The following C12orf57 variants were observed in gnomAD, a reference collection of about 807,000 sequenced individuals.
C12orf57 encodes the protein chromosome 12 open reading frame 57.
C12orf57 carries 14 observed loss-of-function variants against 11.3 expected under a neutral mutation model. The observed-to-expected ratio is 1.24, with a 90% confidence interval of 0.82 to 1.94. The LOEUF is 1.94. Among genes scored for constraint, C12orf57 ranks in the 30% most tolerant of loss-of-function variants. The probability of loss-of-function intolerance (pLI) is 0.00; values close to 1 mark genes in which losing one functional copy is unlikely to be tolerated. For synonymous variants in C12orf57, 100 were observed against 74.6 expected, an observed-to-expected ratio of 1.34 and a Z score of -1.76; for missense variants, 229 against 172.4, an observed-to-expected ratio of 1.33 and a Z score of -1.84.
Position 6,944,509 on chromosome 12 carries a change from C to G in C12orf57, c.86C>G (p.Ala29Gly). The G allele has an allele frequency of 6.2e-7, 1 of 1,613,384 alleles. No homozygotes were observed. The highest frequency in any genetic ancestry group is 8.5e-7 in the Non-Finnish European group (1 of 1,180,000). ...GCGGAGGTGATCCAGGCGTTCTCCGCCCCGGAGAATGCAGTGCGCATGGAC... is the reference window on the plus strand; with the variant it reads ...GCGGAGGTGATCCAGGCGTTCTCCGGCCCGGAGAATGCAGTGCGCATGGAC... ...VLAEVIQAFS[A>G]PENAVRMDEA... The change falls in exon 2 of 3, where the codon GCC becomes GGC. Residue 29 changes from alanine (A) to glycine (G), a missense_variant. By Grantham distance (60) the Ala-to-Gly change is moderately conservative (BLOSUM62 0). Coordinates refer to ENST00000229281, the MANE Select transcript of C12orf57 (RefSeq NM_138425.4).
chr12:6,945,885 A>G lies in C12orf57; in HGVS notation c.344A>G (p.His115Arg), dbSNP rs782437137. 1.5e-5 allele frequency: 24 copies of G among 1,613,314 alleles called. No individual in the cohort carries two copies. The highest frequency in any genetic ancestry group is 1.9e-5 in the Non-Finnish European group (23 of 1,179,874). ...CTGCCGCCCATGACCCTGCCACCCC[A>G]TGGGCCTGCTGCTGGTGGCAGCGTG... Reference protein sequence around the residue: ...LFLPPMTLPPHGPAAGGSVAA... With the variant: ...LFLPPMTLPPRGPAAGGSVAA... The change falls in exon 3 of 3, where the codon CAT becomes CGT. Residue 115 changes from histidine (H) to arginine (R), a missense_variant. Coordinates refer to ENST00000229281, the MANE Select transcript of C12orf57 (RefSeq NM_138425.4).
In C12orf57 at chr12:6,944,043, TG is replaced by T; in HGVS notation, c.-76del. The T allele has an allele frequency of 6.2e-7, 1 of 1,611,556 alleles. No homozygotes were observed. Among genetic ancestry groups the T allele is most frequent in the Non-Finnish European group, 8.5e-7 (1 of 1,179,794 alleles). ...GTTTCCTTTCCGCTCCCAGGGGCGT[TG>T]GGAACGGTTGTAGGACGTGGCTCTT... On this transcript the variant is annotated 5_prime_UTR_variant, in exon 1 of 3. Transcript: ENST00000229281.
intron 2 of C12orf57, chr12:6,945,061 G>C (rs1380185521): frequency 8.5e-6 from 3 of 353,900 alleles, no homozygotes; most frequent in Non-Finnish European, 1.5e-5. Context: ...ATGAGACAAA[G>C]TTTTGACTGC....
upstream of C12orf57, chr12:6,943,808 A>T (rs782496428): frequency 3.0e-5 from 26 of 871,110 alleles, no homozygotes; most frequent in Non-Finnish European, 3.8e-5. Context: ...CTCCAAACAC[A>T]TACGCAGCAG....
rs2138234227 is a variant in C12orf57 at position 6,944,188 on chromosome 12, A to T, written c.52+15A>T. 1 of 1,565,968 alleles carries T rather than the reference A, an allele frequency of 6.4e-7. No homozygotes were observed. Among genetic ancestry groups the T allele is most frequent in the Non-Finnish European group, 8.8e-7 (1 of 1,140,624 alleles). On this transcript the variant is annotated intron_variant, in intron 1 of 2. Coordinates refer to ENST00000229281, the MANE Select transcript of C12orf57 (RefSeq NM_138425.4). ...GCAAGCAAAGGGTGAGAATCGTCCT[A>T]GTCAAGGCATAGGCTGCTGGCCTGG...
upstream of C12orf57, chr12:6,943,779 C>G (rs782756122): frequency 3.1e-6 from 3 of 968,026 alleles, no homozygotes; most frequent in African/African-American, 1.7e-5. Flanking sequence ...TTGTGGAGTT[C>G]CTTTATATCC....
chr12:6,943,899 TGATA>T (rs781909573), upstream of C12orf57: 20 of 1,100,912 alleles, frequency 1.8e-5, no homozygotes, highest in Non-Finnish European at 2.4e-5. Flanking sequence ...TTGTTGCCAA[TGATA>T]GATTGTTTTC....
chr12:6,944,225 C>A, intron 1 of C12orf57, 52 bp downstream of exon 1: 1 of 1,598,796 alleles, frequency 6.3e-7, no homozygotes, highest in Non-Finnish European at 8.6e-7. Context: ...GTAGTCAAGG[C>A]ATGGGCTGCT....
upstream of C12orf57, chr12:6,943,999 TC>T: frequency 1.3e-6 from 2 of 1,591,008 alleles, no homozygotes; most frequent in Non-Finnish European, 1.7e-6. Context: ...CCTGGGCGCT[TC>T]CGGCTGCGCC....
rs782270996 is a variant in C12orf57 at position 6,944,462 on chromosome 12, C to T, written c.53-14C>T. ...CTACCCGGGACGCCTCCCTGGGATG[C>T]TTCTGGCGCGCAGTGGTCCTCGCGG... On this transcript the variant is annotated splice_polypyrimidine_tract_variant and intron_variant, in intron 1 of 2. Transcript: ENST00000229281. 7 of 1,609,874 alleles carry T rather than the reference C, an allele frequency of 4.3e-6. No individual in the cohort carries two copies. The highest frequency in any genetic ancestry group is 2.2e-5 in the East Asian group (1 of 44,802).
chr12:6,944,075 G>T lies in C12orf57; in HGVS notation c.-47G>T, dbSNP rs368386873. On this transcript the variant is annotated 5_prime_UTR_variant, in exon 1 of 3. Coordinates refer to ENST00000229281, the MANE Select transcript of C12orf57 (RefSeq NM_138425.4). ...GGTTGTAGGACGTGGCTCTTTATTC[G>T]TGAGTTTTCCATTTACCTCCGCTGA... is the stretch of plus-strand genomic sequence containing the variant. The T allele has an allele frequency of 1.9e-6, 3 of 1,613,798 alleles. No individual in the cohort carries two copies. The highest frequency in any genetic ancestry group is 4.5e-5 in the East Asian group (2 of 44,874).
chr12:6,943,622 T>A (rs782161150), upstream of C12orf57: 3 of 1,289,478 alleles, frequency 2.3e-6, no homozygotes, highest in Non-Finnish European at 3.0e-6. Context: ...TTGCATGGGC[T>A]GAGAACAAAT....
Position 6,945,934 on chromosome 12 carries a change from C to T in C12orf57, c.*12C>T, listed in dbSNP as rs1555146571. On this transcript the variant is annotated 3_prime_UTR_variant, in exon 3 of 3. Coordinates refer to ENST00000229281, the MANE Select transcript of C12orf57 (RefSeq NM_138425.4). ...TGGCCGCCTCCTGAGAGTTGGCCCT[C>T]CCTTGTGCCACTGCCAGGGGAGGAA... 6.2e-7 allele frequency: 1 copy of T among 1,607,790 alleles called. No homozygotes were observed. The highest frequency in any genetic ancestry group is 1.1e-5 in the South Asian group (1 of 90,528).
Position 6,944,118 on chromosome 12 carries a change from C to G in C12orf57, c.-4C>G. On this transcript the variant is annotated 5_prime_UTR_variant, in exon 1 of 3. Transcript: ENST00000229281. ...TCCGCTGAACCTAGAGCTTCAGACG[C>G]CCTATGGCGTCCGCCTCGACCCAAC... 6.2e-7 allele frequency: 1 copy of G among 1,614,190 alleles called. No individual in the cohort carries two copies. The highest frequency in any genetic ancestry group is 8.5e-7 in the Non-Finnish European group (1 of 1,180,010).
In C12orf57 at chr12:6,944,092, C is replaced by A. The variant is rs782442494; in HGVS notation, c.-30C>A. 10 of 1,614,044 alleles carry A rather than the reference C, an allele frequency of 6.2e-6. No individual in the cohort carries two copies. The East Asian group carries it at 1.3e-4, about 22-fold the overall frequency. ...CTTTATTCGTGAGTTTTCCATTTAC[C>A]TCCGCTGAACCTAGAGCTTCAGACG... On this transcript the variant is annotated 5_prime_UTR_variant, in exon 1 of 3. Coordinates refer to ENST00000229281, the MANE Select transcript of C12orf57 (RefSeq NM_138425.4).
At chr12:6,944,198 T>C in intron 1 of C12orf57, 25 bp downstream of exon 1, 1 of 1,565,940 alleles carries the variant, frequency 6.4e-7, no homozygotes, top group Non-Finnish European at 8.8e-7. Flanking sequence ...AGTCAAGGCA[T>C]AGGCTGCTGG....
rs1555146085 is a variant in C12orf57 at position 6,944,666 on chromosome 12, G to A, written c.229+14G>A. 1.3e-6 allele frequency: 2 copies of A among 1,562,480 alleles called. No homozygotes were observed. The highest frequency in any genetic ancestry group is 8.6e-7 in the Non-Finnish European group (1 of 1,167,084). On this transcript the variant is annotated intron_variant, in intron 2 of 2. Coordinates refer to ENST00000229281, the MANE Select transcript of C12orf57 (RefSeq NM_138425.4). ...GCGACGGGGAAGGTGGGTCAGACGC[G>A]GGAAGGCGGGTCAGACGCGGGAAGG...
At chr12:6,943,886 T>C (rs782794455), upstream of C12orf57, 77 of 1,029,568 alleles carry the variant, frequency 7.5e-5, no homozygotes, top group Admixed American at 1.2e-4. Flanking sequence ...CCTCTTATGA[T>C]GTTTGTTGCC....
upstream of C12orf57, chr12:6,943,977 G>A (rs144923905): frequency 4.4e-4 from 700 of 1,574,544 alleles, 5 homozygotes; most frequent in African/African-American, 5.9e-3. Flanking sequence ...GGGTATGAAG[G>A]TTTGGGCCAC....
Sources: allele counts gnomAD v4.1 joint callset, GRCh38; gene constraint gnomAD v4.1.1; transcripts MANE v1.5; gene names NCBI Gene and HGNC (gene_info 2026-07-23, HGNC 2026-07-21).